SHISA9: variants seen among roughly 807,000 people sequenced by gnomAD.
SHISA9 encodes shisa family member 9.
Under a neutral mutation model 38.0 loss-of-function variants are expected in SHISA9, and 13 were observed. The ratio of observed to expected loss-of-function variants is 0.34; its 90% CI spans 0.22 to 0.54. The LOEUF is 0.54. SHISA9 is among the 20% of genes least tolerant of loss of function. The probability of loss-of-function intolerance (pLI) is 0.91; values close to 1 mark genes in which losing one functional copy is unlikely to be tolerated. For synonymous variants in SHISA9, 275 were observed against 242.0 expected, an observed-to-expected ratio of 1.14 and a Z score of -1.27; for missense variants, 538 against 575.8, an observed-to-expected ratio of 0.93 and a Z score of 0.67.
intron 2 of SHISA9, among the ~76,000 whole-genome samples, chr16:13,177,709 G>A (rs770780437): frequency 2.6e-5 from 4 of 151,760 alleles, no homozygotes; most frequent in Non-Finnish European, 4.4e-5. Flanking sequence ...TTACTCTGTC[G>A]CCCAGGCTAG....
Position 13,235,101 on chromosome 16 carries a change from C to A in SHISA9, c.967C>A (p.Pro323Thr). The A allele has an allele frequency of 6.4e-7, 1 of 1,551,632 alleles. No homozygotes were observed. ...TGAGCTGGCTGCCAAGGGGAACTTA[C>A]CTCTGCACCCCGTAAGAGTGGAGGA... ...LAELAAKGNLPLHPVRVEDEP... is the reference protein window; with the variant it reads ...LAELAAKGNLTLHPVRVEDEP... Residue 323 changes from proline (P) to threonine (T), a missense_variant, in exon 5 of 5, where the codon CCT becomes ACT. Coordinates refer to ENST00000558583, the MANE Select transcript of SHISA9 (RefSeq NM_001145204.3).
Position 13,236,234 on chromosome 16 carries a change from A to G in SHISA9, c.*825A>G, listed in dbSNP as rs2051382747. 6.6e-6 allele frequency: 1 copy of G among 152,170 alleles called. No homozygotes were observed. Among genetic ancestry groups the G allele is most frequent in the Non-Finnish European group, 1.5e-5 (1 of 68,026 alleles). 9.4% of individuals were successfully genotyped at this position (152,170 alleles called of 1,614,324 possible). ...ACGGAGAGGGTCCGGAGAGTATCAAATAACTTTTTAAAAAGAGGATTAAAA... is the reference window on the plus strand; with the variant it reads ...ACGGAGAGGGTCCGGAGAGTATCAAGTAACTTTTTAAAAAGAGGATTAAAA... On this transcript the variant is annotated 3_prime_UTR_variant, in exon 5 of 5. Coordinates refer to ENST00000558583, the MANE Select transcript of SHISA9 (RefSeq NM_001145204.3).
the SHISA9 span, among the ~76,000 whole-genome samples, chr16:13,254,305 T>G: frequency 6.6e-6 from 1 of 152,176 alleles, no homozygotes; most frequent in Non-Finnish European, 1.5e-5. Flanking sequence ...AAGTCTATCA[T>G]CTGGTCCAAA....
At chr16:13,263,634 A>C in the SHISA9 span, among the ~76,000 whole-genome samples, 7 of 152,172 alleles carry the variant, frequency 4.6e-5, no homozygotes, top group Non-Finnish European at 1.0e-4. Flanking sequence ...TTTTCTTATA[A>C]ATTATCCAGT....
intron 2 of SHISA9, among the ~76,000 whole-genome samples, chr16:12,976,502 T>C: frequency 6.6e-6 from 1 of 152,160 alleles, no homozygotes. Context: ...GAGCATTGCT[T>C]TCTGACTAAT....
intron 3 of SHISA9, chr16:13,204,724 G>A (rs1371750530): frequency 6.6e-6 from 1 of 152,212 alleles, no homozygotes; most frequent in Admixed American, 6.5e-5. Flanking sequence ...TTTTCTCATA[G>A]TGATTCCAAG....
chr16:13,071,879 C>G (rs1227629407), intron 2 of SHISA9, among the ~76,000 whole-genome samples: 1 of 151,866 alleles, frequency 6.6e-6, no homozygotes, highest in Non-Finnish European at 1.5e-5. Flanking sequence ...CTCCTGAGCT[C>G]AAGTAACCTG....
chr16:13,374,386 A>G, the SHISA9 span, among the ~76,000 whole-genome samples: 6 of 151,950 alleles, frequency 3.9e-5, no homozygotes, highest in Admixed American at 6.6e-5. Flanking sequence ...TCTTTGTTCA[A>G]TTCCCACCTA....
chr16:13,524,829 A>C, the SHISA9 span, among the ~76,000 whole-genome samples: 1 of 152,050 alleles, frequency 6.6e-6, no homozygotes, highest in Non-Finnish European at 1.5e-5. Flanking sequence ...GGCCTCCCAA[A>C]GTGGGCAGGA....
the SHISA9 span, among the ~76,000 whole-genome samples, chr16:13,494,352 G>A: frequency 6.6e-6 from 1 of 152,046 alleles, no homozygotes; most frequent in African/African-American, 2.4e-5. Context: ...GAACAATTGG[G>A]GACACTAAAG....
At chr16:13,283,558 A>G in the SHISA9 span, among the ~76,000 whole-genome samples, 55 of 152,108 alleles carry the variant, frequency 3.6e-4, no homozygotes, top group Admixed American at 6.6e-5. Flanking sequence ...TTCTCCCTAT[A>G]AAACCATCAG....
chr16:13,184,705 C>T (rs946349153), intron 2 of SHISA9, among the ~76,000 whole-genome samples: 1 of 152,202 alleles, frequency 6.6e-6, no homozygotes, highest in African/African-American at 2.4e-5. Flanking sequence ...TAAATTGAAT[C>T]AGACAGTATC....
chr16:13,087,251 A>C (rs2073723410), intron 2 of SHISA9, among the ~76,000 whole-genome samples: 1 of 147,266 alleles, frequency 6.8e-6, no homozygotes, highest in African/African-American at 2.5e-5. Context: ...GGTTGGTTCC[A>C]AGTCTTTGCT....
the SHISA9 span, among the ~76,000 whole-genome samples, chr16:13,541,376 G>T: frequency 6.6e-6 from 1 of 152,168 alleles, no homozygotes; most frequent in Non-Finnish European, 1.5e-5. Flanking sequence ...CTGTGTGAGA[G>T]CCAAGAAATC....
intron 4 of SHISA9, among the ~76,000 whole-genome samples, chr16:13,220,676 A>AG (rs1486060800): frequency 6.6e-6 from 1 of 152,114 alleles, no homozygotes. Context: ...GAAAAAAAAA[A>AG]TCTCTATCTA....
chr16:13,542,961 T>C, the SHISA9 span, among the ~76,000 whole-genome samples: 1 of 152,174 alleles, frequency 6.6e-6, no homozygotes, highest in African/African-American at 2.4e-5. Flanking sequence ...GCTTAGCAAC[T>C]CCAATAGTGA....
chr16:13,394,595 T>C, the SHISA9 span, among the ~76,000 whole-genome samples: 4 of 152,158 alleles, frequency 2.6e-5, no homozygotes, highest in Admixed American at 6.5e-5. Context: ...GTTCTCACTC[T>C]CTAGCTCTCG....
chr16:12,962,420 T>C (rs1476371386), intron 2 of SHISA9, among the ~76,000 whole-genome samples: 1 of 152,218 alleles, frequency 6.6e-6, no homozygotes, highest in Non-Finnish European at 1.5e-5. Flanking sequence ...TGTTTGGGTC[T>C]TCCTGCAAAT....
chr16:13,171,467 G>A (rs1399962113), intron 2 of SHISA9, among the ~76,000 whole-genome samples: 2 of 147,816 alleles, frequency 1.4e-5, no homozygotes, highest in Non-Finnish European at 3.0e-5. Flanking sequence ...TGAATGACAG[G>A]CCATTGATAC....
Sources: gnomAD v4.1 joint callset for allele counts (sites outside exome capture counted in the v4.1 genomes callset) on GRCh38, gnomAD v4.1.1 for gene constraint, MANE v1.5 for transcripts, NCBI Gene and HGNC (gene_info 2026-07-23, HGNC 2026-07-21) for gene names.